MED12L: variants seen among roughly 807,000 people sequenced by gnomAD.
The protein encoded by MED12L is mediator of RNA polymerase II transcription subunit 12-like protein.
A neutral mutation model predicts 281.3 loss-of-function variants in MED12L; 60 were observed. The ratio of observed to expected loss-of-function variants is 0.21; its 90% CI spans 0.17 to 0.26. MED12L has a LOEUF of 0.26. Among genes scored for constraint, MED12L ranks in the 10% least tolerant of loss-of-function variants. The pLI is 1.00. For synonymous variants in MED12L, 974 were observed against 987.2 expected (o/e 0.99, Z 0.25); for missense variants, 2,146 against 2,680.9 (o/e 0.80, Z 4.41).
intron 43 of MED12L, among the ~76,000 whole-genome samples, chr3:151,417,946 G>T (rs1023139383): frequency 4.6e-5 from 7 of 152,122 alleles, no homozygotes; most frequent in African/African-American, 1.7e-4. Flanking sequence ...GTATTAGCAG[G>T]AACTGGCTGT....
In MED12L at chr3:151,410,094, GTTAC is replaced by G. The variant is rs569093841; in HGVS notation, c.5910+768_5910+771del. Reference sequence around the variant, plus strand: ...TTACTAGCTGTGTGACATTGTGTGAGTTACTTACTCTGAGCTTCGGTTTCCTTCT... The same window carrying G: ...TTACTAGCTGTGTGACATTGTGTGAGTTACTCTGAGCTTCGGTTTCCTTCT... On this transcript the variant is annotated intron_variant, in intron 40 of 44. Transcript: ENST00000687756. Among the ~76,000 whole-genome samples the G allele has an allele frequency of 3.3e-3, 504 of 152,316 alleles. 4 individuals carry two copies. Among genetic ancestry groups the G allele is most frequent in the African/African-American group, 0.012 (483 of 41,572 alleles).
At chr3:151,161,202 A>T (rs1000358928) in intron 8 of MED12L, among the ~76,000 whole-genome samples, 4 of 152,362 alleles carry the variant, frequency 2.6e-5, no homozygotes, top group Non-Finnish European at 5.9e-5. Context: ...TGCAAGGCAA[A>T]GAAATCAGTT....
chr3:151,129,109 G>T (rs1714964293), intron 5 of MED12L, among the ~76,000 whole-genome samples: 1 of 152,188 alleles, frequency 6.6e-6, no homozygotes, highest in South Asian at 2.1e-4. Context: ...AACAGCTTAT[G>T]GTTTTGTAAG....
At chr3:151,164,084 T>C in intron 9 of MED12L, 42 bp downstream of exon 9, 1 of 1,601,922 alleles carries the variant, frequency 6.2e-7, no homozygotes. Flanking sequence ...GTTTTCATTC[T>C]TGACAGGCAT....
chr3:151,241,668 CAT>C (rs992296804), intron 16 of MED12L: 4 of 152,196 alleles, frequency 2.6e-5, no homozygotes, highest in African/African-American at 7.2e-5. Context: ...TATATACACA[CAT>C]ATATACACAT....
chr3:151,287,164 G>A (rs1743624441), intron 16 of MED12L, among the ~76,000 whole-genome samples: 2 of 152,230 alleles, frequency 1.3e-5, no homozygotes, highest in Non-Finnish European at 2.9e-5. Flanking sequence ...CTAGAAAAGA[G>A]TATGCAAAAG....
intron 16 of MED12L, among the ~76,000 whole-genome samples, chr3:151,343,543 T>G (rs1410266095): frequency 6.6e-6 from 1 of 152,208 alleles, no homozygotes; most frequent in African/African-American, 2.4e-5. Flanking sequence ...AAGTGAAAAG[T>G]ATCTCAGTTA....
chr3:151,169,667 A>G (rs984096903), intron 11 of MED12L, among the ~76,000 whole-genome samples: 2 of 152,232 alleles, frequency 1.3e-5, no homozygotes, highest in East Asian at 1.9e-4. Flanking sequence ...TAATATAGCA[A>G]TTATTAGTAT....
rs574171079 is a variant in MED12L at position 151,142,104 on chromosome 3, A to C, written c.557-14057A>C. 2.8e-4 allele frequency among the ~76,000 whole-genome samples: 43 copies of C among 152,264 alleles called. 1 individual carries two copies. Among genetic ancestry groups the C allele is most frequent in the African/African-American group, 1.0e-3 (42 of 41,554 alleles). ...TTACAGGCTGGTTTCGTAGCTTCTC[A>C]TTTGGGCTAGTTTTCTTGAAAATTC... On this transcript the variant is annotated intron_variant, in intron 5 of 44. Coordinates refer to ENST00000687756, the MANE Select transcript of MED12L (RefSeq NM_001393769.1).
At chr3:151,366,305 C>A (rs1755259636) in intron 23 of MED12L, among the ~76,000 whole-genome samples, 1 of 152,060 alleles carries the variant, frequency 6.6e-6, no homozygotes, top group Non-Finnish European at 1.5e-5. Flanking sequence ...TTTCTTTTTA[C>A]CAACTGCCCT....
At chr3:151,098,868 T>TTATAAAGAAAAAGAGGTTTAATGCAC (rs1265556637) in intron 2 of MED12L, among the ~76,000 whole-genome samples, 3 of 152,148 alleles carry the variant, frequency 2.0e-5, no homozygotes, top group African/African-American at 7.2e-5. Context: ...ACTGGGTAAT[T>TTATAAAGAAAAAGAGGTTTAATGCAC]TATAAAGAAA....
At chr3:151,157,842 T>G (rs951030410) in intron 6 of MED12L, among the ~76,000 whole-genome samples, 1 of 152,182 alleles carries the variant, frequency 6.6e-6, no homozygotes, top group Non-Finnish European at 1.5e-5. Flanking sequence ...AACTACTAAG[T>G]TTGTTACCAG....
intron 32 of MED12L, among the ~76,000 whole-genome samples, chr3:151,382,068 T>G (rs1355851325): frequency 6.6e-6 from 1 of 152,198 alleles, no homozygotes; most frequent in Non-Finnish European, 1.5e-5. Flanking sequence ...AGCAAATTTT[T>G]CCTTTTCCAG....
At chr3:151,118,330 A>G (rs1354454310) in intron 3 of MED12L, among the ~76,000 whole-genome samples, 1 of 152,212 alleles carries the variant, frequency 6.6e-6, no homozygotes, top group Non-Finnish European at 1.5e-5. Flanking sequence ...TGTGCACACA[A>G]ATATATAAAT....
At chr3:151,268,010 T>A (rs757883418) in intron 16 of MED12L, among the ~76,000 whole-genome samples, 1 of 152,182 alleles carries the variant, frequency 6.6e-6, no homozygotes, top group Non-Finnish European at 1.5e-5. Flanking sequence ...TTTTTGCTCT[T>A]TTTAGTCTTA....
rs370522377 is a variant in MED12L at position 151,193,499 on chromosome 3, C to T, written c.2083C>T (p.Pro695Ser). The change falls in exon 16 of 45, where the codon CCT (proline) becomes TCT (serine). Residue 695 changes from proline (P) to serine (S), a missense_variant. Transcript: ENST00000687756. ...DFGSEFPIFS[P>S]MPGESCENAN... ...GTTTTACATGACTTAGATTTTTTCT[C>T]CTATGCCTGGAGAATCCTGTGAGAA... The T allele has an allele frequency of 2.5e-5, 41 of 1,610,770 alleles. No homozygotes were observed. Among genetic ancestry groups the T allele is most frequent in the African/African-American group, 1.9e-4 (14 of 74,676 alleles).
At chr3:151,220,650 C>T (rs573984733) in intron 16 of MED12L, among the ~76,000 whole-genome samples, 1 of 152,328 alleles carries the variant, frequency 6.6e-6, no homozygotes, top group African/African-American at 2.4e-5. Context: ...TTGCCCTGCA[C>T]AAGCTCTCTT....
chr3:151,391,234 C>G (rs1473892443), intron 38 of MED12L, among the ~76,000 whole-genome samples: 3 of 152,134 alleles, frequency 2.0e-5, no homozygotes, highest in Non-Finnish European at 4.4e-5. Flanking sequence ...AGTTATATAG[C>G]CTTTTGAAGG....
intron 16 of MED12L, among the ~76,000 whole-genome samples, chr3:151,244,477 T>G (rs1734916776): frequency 6.9e-6 from 1 of 145,684 alleles, no homozygotes; most frequent in Non-Finnish European, 1.5e-5. Flanking sequence ...TCAAAACCAC[T>G]CAACTACATG....
Sources: allele counts gnomAD v4.1 joint callset (sites outside exome capture counted in the v4.1 genomes callset), GRCh38; gene constraint gnomAD v4.1.1; transcripts MANE v1.5; gene names NCBI Gene and HGNC (gene_info 2026-07-23, HGNC 2026-07-21).